Variants in ZNF407 observed in about 807,000 individuals in gnomAD.
ZNF407 encodes zinc finger protein 407.
A neutral mutation model predicts 131.2 loss-of-function variants in ZNF407; 17 were observed. The observed-to-expected ratio is 0.13, with a 90% confidence interval of 0.09 to 0.19. ZNF407 has a LOEUF of 0.19. Among genes scored for constraint, ZNF407 ranks in the 10% least tolerant of loss-of-function variants. ZNF407 has a pLI of 1.00. For synonymous variants in ZNF407, 1,156 were observed against 1,062.0 expected (o/e 1.09, Z -1.72); for missense variants, 2,681 against 2,830.6 (o/e 0.95, Z 1.20).
chr18:75,004,091 C>T (rs1406811191), intron 8 of ZNF407, among the ~76,000 whole-genome samples: 1 of 152,210 alleles, frequency 6.6e-6, no homozygotes, highest in Non-Finnish European at 1.5e-5. Flanking sequence ...CTTGCTGCCT[C>T]ACCTGCTACC....
intron 4 of ZNF407, among the ~76,000 whole-genome samples, chr18:74,793,887 G>A (rs1969871152): frequency 6.6e-6 from 1 of 152,166 alleles, no homozygotes; most frequent in Non-Finnish European, 1.5e-5. Context: ...CTTCTCAAAT[G>A]GGGTGTCTCT....
rs1599257399 is a variant in ZNF407 at position 74,944,978 on chromosome 18, A to AAATG, written c.5428+24287_5428+24290dup. Among the ~76,000 whole-genome samples the AAATG allele has an allele frequency of 4.6e-5, 7 of 152,190 alleles. 1 individual carries two copies. The highest frequency in any genetic ancestry group is 4.6e-4 in the Admixed American group (7 of 15,276). On this transcript the variant is annotated intron_variant, in intron 8 of 8. Transcript: ENST00000299687. ...ATTTCCACCTGTATTTCCCTGACAG[A>AAATG]AATGTACTCCTTGGTTTACCCATAA...
At chr18:74,750,586 C>T (rs777539082) in intron 3 of ZNF407, among the ~76,000 whole-genome samples, 12 of 152,160 alleles carry the variant, frequency 7.9e-5, no homozygotes, top group Non-Finnish European at 1.6e-4. Flanking sequence ...TGTGTGGACC[C>T]AGCACCGTTT....
At chr18:74,852,040 C>T (rs1342537557) in intron 4 of ZNF407, among the ~76,000 whole-genome samples, 1 of 152,174 alleles carries the variant, frequency 6.6e-6, no homozygotes, top group Non-Finnish European at 1.5e-5. Flanking sequence ...TCCTGCTCCA[C>T]TCCAGGGACA....
In ZNF407 at chr18:75,016,119, G is replaced by A. The variant is rs958983647; in HGVS notation, c.5429-47031G>A. 1.6e-4 allele frequency among the ~76,000 whole-genome samples: 25 copies of A among 152,086 alleles called. 1 individual carries two copies. The highest frequency in any genetic ancestry group is 6.8e-3 in the Middle Eastern group (2 of 294). ...TGAGGTTATGATTGTGAGTAGTGCC[G>A]TCAATCCCATATAAGGACAAGTATT... is the stretch of plus-strand genomic sequence containing the variant. On this transcript the variant is annotated intron_variant, in intron 8 of 8. Transcript: ENST00000299687.
chr18:75,038,731 A>G (rs1973339013), intron 8 of ZNF407, among the ~76,000 whole-genome samples: 1 of 152,180 alleles, frequency 6.6e-6, no homozygotes, highest in Non-Finnish European at 1.5e-5. Context: ...TCGCTTAGAA[A>G]CTTAGGAGTT....
chr18:74,911,038 CACAT>C (rs1971663365), intron 7 of ZNF407, among the ~76,000 whole-genome samples: 1 of 152,202 alleles, frequency 6.6e-6, no homozygotes, highest in Non-Finnish European at 1.5e-5. Context: ...ACTTTACACA[CACAT>C]CTATATATAA....
At chr18:74,940,746 T>A (rs1025093949) in intron 8 of ZNF407, among the ~76,000 whole-genome samples, 1 of 152,150 alleles carries the variant, frequency 6.6e-6, no homozygotes, top group African/African-American at 2.4e-5. Context: ...GCCTCTCTGC[T>A]CCTGTCTGCG....
Position 74,631,344 on chromosome 18 carries a change from G to A in ZNF407, c.325G>A (p.Asp109Asn), listed in dbSNP as rs372507403. 6.2e-7 allele frequency: 1 copy of A among 1,614,018 alleles called. No individual in the cohort carries two copies. The highest frequency in any genetic ancestry group is 8.5e-7 in the Non-Finnish European group (1 of 1,179,900). The change falls in exon 2 of 9, where the codon GAT (aspartate) becomes AAT (asparagine). Residue 109 changes from aspartate (D) to asparagine (N), a missense_variant. Asp to Asn is a conservative substitution (Grantham distance 23). Around this residue, in one of 6 missense-constraint regions of ZNF407, gnomAD observed 1,789 missense variants for 1,748.7 expected, o/e 1.02. Transcript: ENST00000299687. ...SSVTEGGIAL[D>N]ETGKETFLSD... The stretch of plus-strand genomic sequence containing the variant: ...AGTCACAGAAGGGGGTATTGCATTA[G>A]ATGAAACAGGGAAGGAGACCTTTCT...
chr18:74,981,163 A>G (rs1432218461), intron 8 of ZNF407, among the ~76,000 whole-genome samples: 1 of 152,232 alleles, frequency 6.6e-6, no homozygotes, highest in African/African-American at 2.4e-5. Flanking sequence ...CAGCTGCAGG[A>G]CAGTGTCTTG....
chr18:74,641,238 C>T, intron 3 of ZNF407, 116 bp downstream of exon 3: 1 of 702,394 alleles, frequency 1.4e-6, no homozygotes, highest in Non-Finnish European at 2.6e-6. Flanking sequence ...GCATGCGTAC[C>T]CTCCTTTCCA....
chr18:74,600,310 G>A (rs1241817872), intron 1 of ZNF407, among the ~76,000 whole-genome samples: 1 of 152,220 alleles, frequency 6.6e-6, no homozygotes, highest in African/African-American at 2.4e-5. Flanking sequence ...CCACATCCAA[G>A]GCAATATCAC....
chr18:74,924,338 A>G (rs1024236968), intron 8 of ZNF407, among the ~76,000 whole-genome samples: 1 of 151,988 alleles, frequency 6.6e-6, no homozygotes, highest in Non-Finnish European at 1.5e-5. Context: ...AAAAAAAAAA[A>G]CACCTTTCTC....
At chr18:74,983,555 A>T (rs1053750437) in intron 8 of ZNF407, among the ~76,000 whole-genome samples, 2 of 152,140 alleles carry the variant, frequency 1.3e-5, no homozygotes, top group Non-Finnish European at 2.9e-5. Context: ...ATGATTTATG[A>T]GTCAGTCGGT....
At chr18:74,956,284 C>G (rs566806859) in intron 8 of ZNF407, among the ~76,000 whole-genome samples, 3 of 152,048 alleles carry the variant, frequency 2.0e-5, no homozygotes, top group Non-Finnish European at 4.4e-5. Flanking sequence ...CATCCACCAG[C>G]CTGTCCTTGC....
At chr18:74,647,463 T>C (rs1051437434) in intron 3 of ZNF407, among the ~76,000 whole-genome samples, 6 of 152,060 alleles carry the variant, frequency 3.9e-5, no homozygotes, top group African/African-American at 1.4e-4. Context: ...AATCTTCTTG[T>C]AGAGTCTCAG....
chr18:74,608,766 G>A (rs956529857), intron 1 of ZNF407, among the ~76,000 whole-genome samples: 2 of 152,138 alleles, frequency 1.3e-5, no homozygotes, highest in African/African-American at 4.8e-5. Flanking sequence ...TTAAATTGAG[G>A]TTTAGGCATT....
chr18:74,813,305 C>G (rs908637210), intron 4 of ZNF407, among the ~76,000 whole-genome samples: 1 of 152,154 alleles, frequency 6.6e-6, no homozygotes. Context: ...TGCATGAGGG[C>G]TCCTTGTGTT....
Position 74,920,914 on chromosome 18 carries a change from G to A in ZNF407, c.5428+222G>A, listed in dbSNP as rs1362582528. 7.4e-6 allele frequency: 9 copies of A among 1,217,700 alleles called. No individual in the cohort carries two copies. In the East Asian group the frequency reaches 2.6e-4, roughly 36 times the overall value. The allele number at this position is 1,217,700 out of a possible 1,614,324, so 75.4% of individuals were successfully genotyped here. ...TTATCAAAAAAGGAAATCTGACAGA[G>A]TAATTATTTGATGACTGTAAAGTTA... On this transcript the variant is annotated intron_variant, in intron 8 of 8. Coordinates refer to ENST00000299687, the MANE Select transcript of ZNF407 (RefSeq NM_017757.3).
Sources: gnomAD v4.1 joint callset for allele counts (sites outside exome capture counted in the v4.1 genomes callset) on GRCh38, gnomAD v4.1.1 for gene constraint, gnomAD v4.1.1 regional missense constraint, MANE v1.5 for transcripts, NCBI Gene and HGNC (gene_info 2026-07-23, HGNC 2026-07-21) for gene names.